COG6: variants seen among roughly 807,000 people sequenced by gnomAD.
The protein encoded by COG6 is conserved oligomeric Golgi complex subunit 6.
Under a neutral mutation model 88.8 loss-of-function variants are expected in COG6, and 74 were observed. The observed-to-expected ratio is 0.83, with a 90% CI of 0.69 to 1.01. The LOEUF is 1.01. Among genes scored for constraint, COG6 ranks in the 50% least tolerant of loss-of-function variants. The pLI, the probability that COG6 is intolerant of heterozygous loss-of-function variation, is 0.00. For synonymous variants in COG6, 286 were observed against 278.7 expected (o/e 1.03, Z -0.26); for missense variants, 800 against 797.9 (o/e 1.00, Z -0.03).
chr13:39,719,577 A>G (rs985543243), intron 14 of COG6, 83 bp from the exon 15 acceptor site: 18 of 1,378,078 alleles, frequency 1.3e-5, no homozygotes, highest in African/African-American at 5.7e-5. Flanking sequence ...CTTCCTTCCA[A>G]TTAGTTTGGC....
Position 39,752,151 on chromosome 13 carries a change from A to G in COG6, c.*1058A>G, listed in dbSNP as rs1437566201. ...CTGATTTGACATTCTTGTCAGCAAAAAAAAACTTAATTTCTAGTAAATCTA... is the reference window on the plus strand; with the variant it reads ...CTGATTTGACATTCTTGTCAGCAAAGAAAAACTTAATTTCTAGTAAATCTA... On this transcript the variant is annotated 3_prime_UTR_variant, in exon 19 of 19. Transcript: ENST00000455146. 1.7e-6 allele frequency: 2 copies of G among 1,210,944 alleles called. No individual in the cohort carries two copies. Among genetic ancestry groups the G allele is most frequent in the Non-Finnish European group, 2.1e-6 (2 of 943,100 alleles). The allele number at this position is 1,210,944 out of a possible 1,614,324, so 75.0% of individuals were successfully genotyped here. A position where few individuals can be genotyped will look rare whatever the true frequency, so the allele number is the denominator to read the frequency against.
At chr13:39,720,409 G>A (rs1475770894) in intron 15 of COG6, among the ~76,000 whole-genome samples, 1 of 151,968 alleles carries the variant, frequency 6.6e-6, no homozygotes, top group Admixed American at 6.6e-5. Context: ...CCAGTTTTAA[G>A]CAGTGATTAT....
At chr13:39,686,165 A>T (rs1876627224) in intron 8 of COG6, among the ~76,000 whole-genome samples, 1 of 152,206 alleles carries the variant, frequency 6.6e-6, no homozygotes, top group Non-Finnish European at 1.5e-5. Flanking sequence ...ATTTTTGTTT[A>T]TATATAGGTT....
At chr13:39,717,488 C>CG (rs1555279684) in intron 13 of COG6, among the ~76,000 whole-genome samples, 1 of 151,952 alleles carries the variant, frequency 6.6e-6, no homozygotes, top group African/African-American at 2.4e-5. Context: ...TTCATTTTTT[C>CG]AATTCTTTTT....
chr13:39,721,486 C>A (rs1468799337), intron 15 of COG6, among the ~76,000 whole-genome samples: 1 of 152,042 alleles, frequency 6.6e-6, no homozygotes, highest in Non-Finnish European at 1.5e-5. Flanking sequence ...TTTCCCAGTG[C>A]CCTTTCAGAC....
chr13:39,668,782 C>T (rs1322036352), intron 4 of COG6, among the ~76,000 whole-genome samples: 12 of 146,672 alleles, frequency 8.2e-5, no homozygotes, highest in South Asian at 4.3e-4. Context: ...AGCGAGACTC[C>T]GTCTCAAAAA....
intron 13 of COG6, among the ~76,000 whole-genome samples, chr13:39,718,888 A>G (rs952293374): frequency 6.6e-6 from 1 of 152,152 alleles, no homozygotes; most frequent in African/African-American, 2.4e-5. Context: ...GTGCTGGTCT[A>G]TAGACTGCTT....
intron 18 of COG6, among the ~76,000 whole-genome samples, chr13:39,782,030 T>G (rs1228034799): frequency 6.6e-6 from 1 of 152,204 alleles, no homozygotes; most frequent in East Asian, 1.9e-4. Flanking sequence ...GATGATAGCA[T>G]TCATTGATTT....
At chr13:39,759,232 T>C (rs34394770) in intron 18 of COG6, among the ~76,000 whole-genome samples, 44,654 of 152,066 alleles carry the variant, frequency 0.29, 6,768 homozygotes, top group Non-Finnish European at 0.35. Context: ...AATTTTTTCT[T>C]AAAGTAAATT....
intron 13 of COG6, among the ~76,000 whole-genome samples, chr13:39,703,899 A>ATT (rs1414943914): frequency 6.8e-6 from 1 of 147,608 alleles, no homozygotes. Flanking sequence ...GCTAATTTAA[A>ATT]TTTTTTTTTT....
chr13:39,752,125 C>T lies in COG6; in HGVS notation c.*1032C>T. ...TTTTAAAGGAATAAATCCCAGTGTG[C>T]CTGATTTGACATTCTTGTCAGCAAA... On this transcript the variant is annotated 3_prime_UTR_variant, in exon 19 of 19. Coordinates refer to ENST00000455146, the MANE Select transcript of COG6 (RefSeq NM_020751.3). The T allele has an allele frequency of 8.0e-7, 1 of 1,251,210 alleles. No homozygotes were observed. The highest frequency in any genetic ancestry group is 1.0e-6 in the Non-Finnish European group (1 of 968,086). 77.5% of individuals were successfully genotyped at this position (1,251,210 alleles called of 1,614,324 possible).
At chr13:39,679,207 C>T in intron 5 of COG6, 2 of 310,070 alleles carry the variant, frequency 6.5e-6, no homozygotes, top group Non-Finnish European at 6.1e-6. Flanking sequence ...TACTTTTTTT[C>T]ATGTAGTAAT....
intron 13 of COG6, among the ~76,000 whole-genome samples, chr13:39,708,609 A>G (rs1338344564): frequency 2.6e-5 from 4 of 151,984 alleles, no homozygotes; most frequent in Non-Finnish European, 5.9e-5. Flanking sequence ...TGTTGTTTAA[A>G]TTACTTTATT....
At chr13:39,687,226 C>T (rs1367986123) in intron 8 of COG6, among the ~76,000 whole-genome samples, 1 of 152,126 alleles carries the variant, frequency 6.6e-6, no homozygotes, top group African/African-American at 2.4e-5. Context: ...AAGTCCATTG[C>T]TTTATCCCTT....
intron 18 of COG6, among the ~76,000 whole-genome samples, chr13:39,728,757 C>A (rs1037281403): frequency 1.3e-5 from 2 of 151,766 alleles, no homozygotes; most frequent in African/African-American, 4.8e-5. Flanking sequence ...CTCTGCCTCC[C>A]AGGTTCAAGC....
intron 7 of COG6, among the ~76,000 whole-genome samples, chr13:39,681,457 T>C (rs183126513): frequency 3.9e-4 from 59 of 152,306 alleles, no homozygotes; most frequent in African/African-American, 1.4e-3. Context: ...TCTTACATAG[T>C]GGTTCCCAAC....
intron 18 of COG6, among the ~76,000 whole-genome samples, chr13:39,774,370 G>T (rs1464068236): frequency 6.6e-6 from 1 of 152,086 alleles, no homozygotes; most frequent in African/African-American, 2.4e-5. Flanking sequence ...ACAAATATGA[G>T]AACTATATTT....
intron 7 of COG6, among the ~76,000 whole-genome samples, chr13:39,680,448 G>A (rs544651502): frequency 6.6e-6 from 1 of 152,300 alleles, no homozygotes; most frequent in East Asian, 1.9e-4. Context: ...ATTTTCTGCT[G>A]TTGCTGTAAC....
chr13:39,766,067 T>C (rs1044248896), intron 18 of COG6, among the ~76,000 whole-genome samples: 9 of 152,314 alleles, frequency 5.9e-5, no homozygotes, highest in Middle Eastern at 3.4e-3. Flanking sequence ...GCAGCTGCCA[T>C]CCAGCCACTT....
Sources: allele counts gnomAD v4.1 joint callset (sites outside exome capture counted in the v4.1 genomes callset), GRCh38; gene constraint gnomAD v4.1.1; transcripts MANE v1.5; gene names NCBI Gene and HGNC (gene_info 2026-07-23, HGNC 2026-07-21).